The following CRB1 variants were observed in gnomAD, a reference collection of about 807,000 sequenced individuals.
CRB1 encodes protein crumbs homolog 1.
A neutral mutation model predicts 120.0 loss-of-function variants in CRB1; 83 were observed. That is an observed-to-expected ratio of 0.69 (90% CI 0.58 to 0.83). The LOEUF (loss-of-function observed/expected upper bound fraction) is 0.83. Among genes scored for constraint, CRB1 ranks in the 40% least tolerant of loss-of-function variants. CRB1 has a pLI of 0.00. For synonymous variants in CRB1, 625 were observed against 612.5 expected (o/e 1.02, Z -0.30); for missense variants, 1,699 against 1,687.6 (o/e 1.01, Z -0.12).
At chr1:197,324,806 A>T (rs1413585182) in intron 1 of CRB1, among the ~76,000 whole-genome samples, 2 of 152,230 alleles carry the variant, frequency 1.3e-5, no homozygotes, top group African/African-American at 4.8e-5. Context: ...AGTCACAGAG[A>T]TGGTAAATAC....
At chr1:197,450,140 A>G (rs1423584034) in intron 11 of CRB1, among the ~76,000 whole-genome samples, 1 of 152,150 alleles carries the variant, frequency 6.6e-6, no homozygotes, top group Non-Finnish European at 1.5e-5. Context: ...GTTTTTTGCT[A>G]TTCCATCTGG....
chr1:197,203,767 A>G, the CRB1 span, among the ~76,000 whole-genome samples: 4 of 152,244 alleles, frequency 2.6e-5, no homozygotes, highest in African/African-American at 9.6e-5. Flanking sequence ...TTTAGAAAAA[A>G]TGGTTTTAAA....
At chr1:197,303,680 C>T (rs893318441) in intron 1 of CRB1, among the ~76,000 whole-genome samples, 7 of 152,118 alleles carry the variant, frequency 4.6e-5, no homozygotes, top group African/African-American at 1.7e-4. Flanking sequence ...AACTAACATT[C>T]AGATCTTTTG....
At chr1:197,248,869 C>T in the CRB1 span, among the ~76,000 whole-genome samples, 1 of 151,870 alleles carries the variant, frequency 6.6e-6, no homozygotes, top group Non-Finnish European at 1.5e-5. Context: ...GAACAGATGT[C>T]TTAAAGTAGA....
intron 1 of CRB1, among the ~76,000 whole-genome samples, chr1:197,306,048 T>G (rs1175841639): frequency 6.6e-6 from 1 of 152,084 alleles, no homozygotes; most frequent in Non-Finnish European, 1.5e-5. Flanking sequence ...TGTTCAGTCC[T>G]AATATTGGTA....
intron 1 of CRB1, among the ~76,000 whole-genome samples, chr1:197,293,067 T>A (rs988141101): frequency 6.6e-6 from 1 of 152,064 alleles, no homozygotes; most frequent in Non-Finnish European, 1.5e-5. Context: ...GCTAGGGCAA[T>A]CAGGCAGGAG....
chr1:197,418,482 G>A (rs1664117040), intron 5 of CRB1, among the ~76,000 whole-genome samples: 1 of 152,104 alleles, frequency 6.6e-6, no homozygotes, highest in Admixed American at 6.5e-5. Context: ...TATGTCCACG[G>A]TTTTCACAGA....
chr1:197,295,480 T>C (rs1656465459), intron 1 of CRB1, among the ~76,000 whole-genome samples: 1 of 151,980 alleles, frequency 6.6e-6, no homozygotes, highest in South Asian at 2.1e-4. Context: ...GGATATAGAT[T>C]CCGCAAGTAA....
At chr1:197,462,837 CAG>C (rs1027608952) in intron 11 of CRB1, among the ~76,000 whole-genome samples, 4 of 151,578 alleles carry the variant, frequency 2.6e-5, no homozygotes, top group East Asian at 1.9e-4. Flanking sequence ...CAAATAACGC[CAG>C]AGTGTCATGT....
intron 5 of CRB1, among the ~76,000 whole-genome samples, chr1:197,398,892 T>TTGTGTGTGTGTGTG (rs140149936): frequency 4.4e-5 from 6 of 136,394 alleles, no homozygotes; most frequent in South Asian, 2.6e-4. Context: ...CAGGAAATGA[T>TTGTGTGTGTGTGTG]TGTGTGTGTG....
intron 1 of CRB1, among the ~76,000 whole-genome samples, chr1:197,310,507 G>T (rs1657453382): frequency 6.6e-6 from 1 of 152,132 alleles, no homozygotes; most frequent in Non-Finnish European, 1.5e-5. Flanking sequence ...TAATTAATTA[G>T]CTTGTTGAGC....
At chr1:197,473,802 A>G (rs1667085259) in intron 11 of CRB1, among the ~76,000 whole-genome samples, 1 of 152,038 alleles carries the variant, frequency 6.6e-6, no homozygotes, top group South Asian at 2.1e-4. Context: ...CAATTATCAA[A>G]AGATCCATCC....
intron 5 of CRB1, among the ~76,000 whole-genome samples, chr1:197,373,545 T>G (rs978882899): frequency 6.6e-6 from 1 of 152,204 alleles, no homozygotes; most frequent in African/African-American, 2.4e-5. Context: ...CCATCCATCT[T>G]GATCATTACC....
intron 11 of CRB1, among the ~76,000 whole-genome samples, chr1:197,446,441 C>T (rs543707833): frequency 6.6e-6 from 1 of 152,218 alleles, no homozygotes; most frequent in South Asian, 2.1e-4. Context: ...AGGGATATCA[C>T]AGGGTGGCAG....
intron 5 of CRB1, among the ~76,000 whole-genome samples, chr1:197,358,365 A>C (rs2125357150): frequency 6.6e-6 from 1 of 152,338 alleles, no homozygotes; most frequent in Admixed American, 6.5e-5. Flanking sequence ...GATTCTGTGA[A>C]AGTCAAAGGA....
chr1:197,315,820 T>C (rs1657803916), intron 1 of CRB1, among the ~76,000 whole-genome samples: 1 of 152,266 alleles, frequency 6.6e-6, no homozygotes, highest in South Asian at 2.1e-4. Context: ...TTCAGTATCC[T>C]GAAAATGGCC....
chr1:197,252,582 ATGTGTGTGTGTGTGTGTG>A, the CRB1 span, among the ~76,000 whole-genome samples: 1 of 15,512 alleles, frequency 6.4e-5, no homozygotes, highest in African/African-American at 1.6e-4. Context: ...ATATATATAT[ATGTGTGTGTGTGTGTGTG>A]TGTGTGTGTG....
chr1:197,217,244 A>G, the CRB1 span, among the ~76,000 whole-genome samples: 1 of 152,296 alleles, frequency 6.6e-6, no homozygotes, highest in Non-Finnish European at 1.5e-5. Context: ...GTGAGAATAT[A>G]CAATGATGCA....
intron 4 of CRB1, among the ~76,000 whole-genome samples, chr1:197,349,511 C>A (rs1222184477): frequency 6.6e-6 from 1 of 152,124 alleles, no homozygotes; most frequent in Non-Finnish European, 1.5e-5. Flanking sequence ...GCTTACTGAT[C>A]ATCTGTCTCT....
Sources: gnomAD v4.1 joint callset for allele counts (sites outside exome capture counted in the v4.1 genomes callset) on GRCh38, gnomAD v4.1.1 for gene constraint, MANE v1.5 for transcripts, NCBI Gene and HGNC (gene_info 2026-07-23, HGNC 2026-07-21) for gene names.